The following POF1B variants were observed in gnomAD, a reference collection of about 807,000 sequenced individuals.
POF1B encodes the protein POF1B actin binding protein.
A neutral mutation model predicts 55.3 loss-of-function variants in POF1B; 53 were observed. The observed-to-expected ratio is 0.96, with a 90% CI of 0.77 to 1.20. The LOEUF (loss-of-function observed/expected upper bound fraction) is 1.20, where lower values mean the gene tolerates loss of function less well. POF1B is among the 50% of genes most tolerant of loss of function. POF1B has a pLI of 0.00. For missense variants in POF1B, 478 were observed against 420.5 expected (o/e 1.14, Z -1.20); for synonymous variants, 188 against 148.3 (o/e 1.27, Z -1.95).
chrX:85,355,638 A>G (rs1440264739), intron 4 of POF1B, among the ~76,000 whole-genome samples: 1 of 111,988 alleles, frequency 8.9e-6, no homozygotes, highest in African/African-American at 3.2e-5. Flanking sequence ...CCCATCGAAA[A>G]GTGGGCAAAG....
chrX:85,376,439 T>C (rs1933922121), intron 2 of POF1B, among the ~76,000 whole-genome samples: 1 of 111,668 alleles, frequency 9.0e-6, no homozygotes, highest in Admixed American at 9.6e-5. Flanking sequence ...CTAAAATGCA[T>C]CTGAGACCTT....
intron 7 of POF1B, among the ~76,000 whole-genome samples, chrX:85,328,504 A>G (rs990197700): frequency 9.0e-6 from 1 of 111,233 alleles, no homozygotes; most frequent in African/African-American, 3.3e-5. Flanking sequence ...ACAAAATCTT[A>G]AACAATTTGC....
At chrX:85,377,358 C>A (rs1391352299) in intron 2 of POF1B, among the ~76,000 whole-genome samples, 1 of 111,782 alleles carries the variant, frequency 8.9e-6, no homozygotes, top group Non-Finnish European at 1.9e-5. Flanking sequence ...AGCTGTCTTG[C>A]CAAGTTCTCT....
At chrX:85,360,796 C>T (rs1287725538) in intron 3 of POF1B, among the ~76,000 whole-genome samples, 1 of 108,804 alleles carries the variant, frequency 9.2e-6, no homozygotes, top group African/African-American at 3.4e-5. Context: ...TGCCACACTG[C>T]TTTTCACAAT....
In POF1B at chrX:85,359,688, A is replaced by C. The variant is rs1933567872; in HGVS notation, c.358-58T>G. 1.3e-5 allele frequency: 10 copies of C among 788,707 alleles called. No individual in the cohort carries two copies. The East Asian group carries it at 3.3e-4, about 26-fold the overall frequency. The allele number at this position is 788,707 out of a possible 1,213,427, so 65.0% of individuals were successfully genotyped here. A position where few individuals can be genotyped will look rare whatever the true frequency, so the allele number is the denominator to read the frequency against. The stretch of plus-strand genomic sequence containing the variant: ...ATAGTTATTTAATGAGCTTGGAGCT[A>C]TCAATAATAATAGGGAACAATTTCC... On this transcript the variant is annotated intron_variant, in intron 3 of 16. Coordinates refer to ENST00000262753, the MANE Select transcript of POF1B (RefSeq NM_024921.4).
At chrX:85,350,031 GT>G (rs771356906) in intron 5 of POF1B, among the ~76,000 whole-genome samples, 2 of 109,840 alleles carry the variant, frequency 1.8e-5, no homozygotes, top group African/African-American at 6.6e-5. Flanking sequence ...CCTTGCTGCA[GT>G]TTTTTTTATT....
At chrX:85,305,656 A>T (rs1932553913) in intron 13 of POF1B, 135 bp downstream of exon 13, 1 of 627,426 alleles carries the variant, frequency 1.6e-6, no homozygotes, top group Admixed American at 3.7e-5. Flanking sequence ...TATTTAAAAC[A>T]AATGAATACA....
In POF1B at chrX:85,306,659, TACATG is replaced by T. The variant is rs200941755; in HGVS notation, c.1165-331_1165-327del. 5.8e-3 allele frequency among the ~76,000 whole-genome samples: 651 copies of T among 111,400 alleles called. 6 individuals are homozygous for T. Among genetic ancestry groups the T allele is most frequent in the African/African-American group, 0.02 (615 of 30,801 alleles). Reference sequence around the variant, plus strand: ...AGAAACGACCATATGCCTGATTATTTACATGACAACTAGTAACTGAGCAAGAATTT... The same window carrying T: ...AGAAACGACCATATGCCTGATTATTTACAACTAGTAACTGAGCAAGAATTT... On this transcript the variant is annotated intron_variant, in intron 11 of 16. Coordinates refer to ENST00000262753, the MANE Select transcript of POF1B (RefSeq NM_024921.4).
chrX:85,328,894 A>G (rs781237219), intron 7 of POF1B, among the ~76,000 whole-genome samples: 43 of 110,514 alleles, frequency 3.9e-4, no homozygotes, highest in Admixed American at 7.7e-4. Context: ...CAGGATATGA[A>G]CTCTGGATCT....
intron 6 of POF1B, among the ~76,000 whole-genome samples, chrX:85,343,180 A>T (rs1473781019): frequency 9.1e-6 from 1 of 110,245 alleles, no homozygotes; most frequent in Non-Finnish European, 1.9e-5. Context: ...CCGAGAACTT[A>T]AAGTATAATA....
At chrX:85,318,552 G>A (rs754359093) in intron 7 of POF1B, among the ~76,000 whole-genome samples, 7 of 111,524 alleles carry the variant, frequency 6.3e-5, no homozygotes, top group East Asian at 2.8e-4. Flanking sequence ...TTTGTATATC[G>A]TATAAGGAGG....
At chrX:85,315,083 C>G (rs1312731279) in intron 8 of POF1B, among the ~76,000 whole-genome samples, 1 of 111,145 alleles carries the variant, frequency 9.0e-6, no homozygotes, top group Non-Finnish European at 1.9e-5. Context: ...TTAGGAATTA[C>G]TGCATAATTG....
chrX:85,348,468 C>A lies in POF1B; in HGVS notation c.541-2426G>T, dbSNP rs182772575. 3.6e-3 allele frequency among the ~76,000 whole-genome samples: 398 copies of A among 110,467 alleles called. 1 individual carries two copies. Among genetic ancestry groups the A allele is most frequent in the Middle Eastern group, 0.019 (4 of 216 alleles). The stretch of plus-strand genomic sequence containing the variant: ...TACCACCCTTCCAACACAAAGATCT[C>A]TTTTTTCTTGAACATTTCTCATCTC... On this transcript the variant is annotated intron_variant, in intron 5 of 16. Transcript: ENST00000262753.
chrX:85,315,203 TA>T (rs1932776651), intron 8 of POF1B, among the ~76,000 whole-genome samples: 1 of 111,857 alleles, frequency 8.9e-6, no homozygotes, highest in Non-Finnish European at 1.9e-5. Context: ...ATTATTCTAT[TA>T]AAAGCAATTA....
chrX:85,354,549 T>C (rs1182174957), intron 4 of POF1B, among the ~76,000 whole-genome samples: 1 of 111,230 alleles, frequency 9.0e-6, no homozygotes, highest in Non-Finnish European at 1.9e-5. Context: ...ATTGTATATC[T>C]AGAAAACCCC....
chrX:85,353,212 G>A (rs1933423718), intron 4 of POF1B, among the ~76,000 whole-genome samples: 1 of 110,993 alleles, frequency 9.0e-6, no homozygotes, highest in Admixed American at 9.6e-5. Flanking sequence ...GGTATTCCAA[G>A]TGAAGGAAAC....
At chrX:85,356,671 A>T (rs1186014428) in intron 4 of POF1B, among the ~76,000 whole-genome samples, 1 of 111,405 alleles carries the variant, frequency 9.0e-6, no homozygotes, top group Non-Finnish European at 1.9e-5. Context: ...AAATTTAATC[A>T]GACGTTTTAG....
At chrX:85,378,313 G>T (rs1933954647) in intron 2 of POF1B, among the ~76,000 whole-genome samples, 1 of 111,415 alleles carries the variant, frequency 9.0e-6, no homozygotes, top group Non-Finnish European at 1.9e-5. Flanking sequence ...TTTCAGTTTG[G>T]ACAGAATTTT....
chrX:85,369,153 C>G (rs1933778672), intron 2 of POF1B, among the ~76,000 whole-genome samples: 1 of 111,814 alleles, frequency 8.9e-6, no homozygotes, highest in African/African-American at 3.2e-5. Context: ...CTCAGTATTT[C>G]TAGGAATCTT....
Sources: allele counts gnomAD v4.1 joint callset (sites outside exome capture counted in the v4.1 genomes callset), GRCh38; gene constraint gnomAD v4.1.1; transcripts MANE v1.5; gene names NCBI Gene and HGNC (gene_info 2026-07-23, HGNC 2026-07-21).